COLEC12: variants seen among roughly 807,000 people sequenced by gnomAD.
The protein encoded by COLEC12 is collectin-12.
COLEC12 carries 33 observed loss-of-function variants against 71.1 expected under a neutral mutation model. The ratio of observed to expected loss-of-function variants is 0.46; its 90% CI spans 0.35 to 0.62. COLEC12 has a LOEUF of 0.62. COLEC12 is among the 20% of genes least tolerant of loss of function. The pLI is 0.00. For missense variants in COLEC12, 765 were observed against 916.1 expected, an observed-to-expected ratio of 0.84 and a Z score of 2.13; for synonymous variants, 350 against 353.0, an observed-to-expected ratio of 0.99 and a Z score of 0.10.
At position 318,180 on chromosome 18, in the gene COLEC12, C is replaced by G. The variant is rs1329413875; in HGVS notation, c.*1865G>C. ...TATTTTTAGTAGAGACGGGGTTTCACCGTGTTAGCCAGGATGGTCTCGATC... is the reference window on the plus strand; with the variant it reads ...TATTTTTAGTAGAGACGGGGTTTCAGCGTGTTAGCCAGGATGGTCTCGATC... On this transcript the variant is annotated 3_prime_UTR_variant, in exon 10 of 10. Transcript: ENST00000400256. 1 of 151,814 alleles carries G rather than the reference C, an allele frequency of 6.6e-6. No individual in the cohort carries two copies. The highest frequency in any genetic ancestry group is 1.5e-5 in the Non-Finnish European group (1 of 67,978). 9.4% of individuals were successfully genotyped at this position (151,814 alleles called of 1,614,324 possible).
chr18:420,501 TAA>T (rs1021250005), intron 2 of COLEC12, among the ~76,000 whole-genome samples: 2 of 152,064 alleles, frequency 1.3e-5, no homozygotes, highest in African/African-American at 4.8e-5. Flanking sequence ...AGCAGAAACA[TAA>T]AGAGTCTAAA....
intron 2 of COLEC12, among the ~76,000 whole-genome samples, chr18:382,342 A>C (rs1001018582): frequency 6.6e-6 from 1 of 152,218 alleles, no homozygotes; most frequent in African/African-American, 2.4e-5. Flanking sequence ...CAAGAATATA[A>C]TTAGCTTCAC....
At chr18:391,466 G>A (rs1915462484) in intron 2 of COLEC12, among the ~76,000 whole-genome samples, 1 of 152,178 alleles carries the variant, frequency 6.6e-6, no homozygotes, top group Non-Finnish European at 1.5e-5. Context: ...ATGGTACTGA[G>A]GTCCGGAATC....
chr18:368,635 T>C (rs185822550), intron 2 of COLEC12, among the ~76,000 whole-genome samples: 2,613 of 151,592 alleles, frequency 0.017, 57 homozygotes, highest in Admixed American at 0.055. Context: ...GAGGCCAAGG[T>C]GGGCGGATCA....
chr18:400,388 C>T (rs944151500), intron 2 of COLEC12, among the ~76,000 whole-genome samples: 2 of 152,290 alleles, frequency 1.3e-5, no homozygotes, highest in East Asian at 3.9e-4. Context: ...CCAAGGCATG[C>T]AGGGGAACTG....
intron 2 of COLEC12, among the ~76,000 whole-genome samples, chr18:391,832 G>A (rs1309050788): frequency 2.0e-5 from 3 of 152,152 alleles, no homozygotes; most frequent in Non-Finnish European, 4.4e-5. Context: ...TAGAGTTCAA[G>A]TTTATCCTTA....
chr18:324,447 C>T (rs1913787307), intron 8 of COLEC12, among the ~76,000 whole-genome samples: 1 of 152,024 alleles, frequency 6.6e-6, no homozygotes, highest in Admixed American at 6.6e-5. Context: ...CACCAGGAAT[C>T]TTGGAAATGC....
intron 2 of COLEC12, among the ~76,000 whole-genome samples, chr18:448,212 G>A (rs780615481): frequency 2.0e-4 from 30 of 152,230 alleles, no homozygotes; most frequent in Admixed American, 1.7e-3. Flanking sequence ...TGTCATCATC[G>A]TGGGATAAAC....
intron 3 of COLEC12, among the ~76,000 whole-genome samples, chr18:356,576 A>AG (rs1264527868): frequency 6.6e-6 from 1 of 152,194 alleles, no homozygotes; most frequent in Non-Finnish European, 1.5e-5. Context: ...CACACAGCAG[A>AG]GGGAAGACCT....
At chr18:461,636 C>T (rs912697639) in intron 2 of COLEC12, among the ~76,000 whole-genome samples, 1 of 152,182 alleles carries the variant, frequency 6.6e-6, no homozygotes, top group Non-Finnish European at 1.5e-5. Context: ...AATTCTCCTG[C>T]CTTGGCCTAC....
At chr18:468,203 A>C (rs930467547) in intron 2 of COLEC12, among the ~76,000 whole-genome samples, 5 of 150,162 alleles carry the variant, frequency 3.3e-5, no homozygotes, top group African/African-American at 1.2e-4. Flanking sequence ...CGGAGGTTGC[A>C]GTGAGCCGAG....
chr18:405,994 T>C (rs888442285), intron 2 of COLEC12, among the ~76,000 whole-genome samples: 3 of 152,114 alleles, frequency 2.0e-5, no homozygotes, highest in South Asian at 2.1e-4. Flanking sequence ...CATAAAGACC[T>C]TGCTGATAAT....
chr18:472,625 G>T (rs1917220038), intron 2 of COLEC12, among the ~76,000 whole-genome samples: 1 of 142,364 alleles, frequency 7.0e-6, no homozygotes, highest in African/African-American at 2.6e-5. Flanking sequence ...AGTCAAGGCT[G>T]CAGTGATGGC....
Position 348,010 on chromosome 18 carries a change from G to A in COLEC12, c.280+55C>T, listed in dbSNP as rs1914423491. ...TATAGCAACATCATTCTAAGAAGCTGTGGTCATTTATGTAGAGTCAGGGGA... is the reference window on the plus strand; with the variant it reads ...TATAGCAACATCATTCTAAGAAGCTATGGTCATTTATGTAGAGTCAGGGGA... On this transcript the variant is annotated intron_variant, in intron 4 of 9. Coordinates refer to ENST00000400256, the MANE Select transcript of COLEC12 (RefSeq NM_130386.3). 10 of 1,160,590 alleles carry A rather than the reference G, an allele frequency of 8.6e-6. No individual in the cohort carries two copies. The Admixed American group carries it at 9.0e-5, about 11-fold the overall frequency. The allele number at this position is 1,160,590 out of a possible 1,614,324, so 71.9% of individuals were successfully genotyped here. A position where few individuals can be genotyped will look rare whatever the true frequency, so the allele number is the denominator to read the frequency against.
chr18:351,460 T>A (rs641831), intron 3 of COLEC12, among the ~76,000 whole-genome samples: 30,943 of 152,142 alleles, frequency 0.2, 3,816 homozygotes, highest in Non-Finnish European at 0.26. Flanking sequence ...TATCTACTAT[T>A]ATATCCTTTA....
At chr18:382,939 T>A (rs1290744865) in intron 2 of COLEC12, among the ~76,000 whole-genome samples, 1 of 152,378 alleles carries the variant, frequency 6.6e-6, no homozygotes, top group East Asian at 1.9e-4. Context: ...TTTTTTTGTG[T>A]GTTGTGATCA....
chr18:492,825 G>A (rs144961432), intron 1 of COLEC12, among the ~76,000 whole-genome samples: 115 of 152,182 alleles, frequency 7.6e-4, no homozygotes, highest in African/African-American at 2.5e-3. Context: ...ACAAATGTTG[G>A]ACCAACGTTT....
At chr18:421,007 C>T (rs1486126283) in intron 2 of COLEC12, among the ~76,000 whole-genome samples, 2 of 152,202 alleles carry the variant, frequency 1.3e-5, no homozygotes, top group African/African-American at 2.4e-5. Flanking sequence ...TTCAAACTAG[C>T]CGTTCCTAAC....
intron 1 of COLEC12, among the ~76,000 whole-genome samples, chr18:491,839 T>C (rs1194028725): frequency 2.6e-5 from 4 of 152,242 alleles, no homozygotes; most frequent in African/African-American, 9.6e-5. Context: ...TATCTTGATA[T>C]GTCCCTAAGC....
Sources: gnomAD v4.1 joint callset for allele counts (sites outside exome capture counted in the v4.1 genomes callset) on GRCh38, gnomAD v4.1.1 for gene constraint, MANE v1.5 for transcripts, NCBI Gene and HGNC (gene_info 2026-07-23, HGNC 2026-07-21) for gene names.